The following ZCWPW2 variants were observed in gnomAD, a reference collection of about 807,000 sequenced individuals.
ZCWPW2 encodes zinc finger CW-type and PWWP domain containing 2.
Under a neutral mutation model 46.6 loss-of-function variants are expected in ZCWPW2, and 45 were observed. That is an observed-to-expected ratio of 0.96 (90% CI 0.76 to 1.24). The LOEUF is 1.24. Ranked by LOEUF, ZCWPW2 falls within the 50% of genes most tolerant of loss-of-function variation. The pLI is 0.00. For missense variants in ZCWPW2, 429 were observed against 403.9 expected, an observed-to-expected ratio of 1.06 and a Z score of -0.53; for synonymous variants, 152 against 137.1, an observed-to-expected ratio of 1.11 and a Z score of -0.76.
chr3:28,507,051 G>T (rs1700296258), intron 6 of ZCWPW2, among the ~76,000 whole-genome samples: 1 of 152,130 alleles, frequency 6.6e-6, no homozygotes, highest in Non-Finnish European at 1.5e-5. Context: ...TATTGGAGTG[G>T]TCAGGTGACT....
intron 5 of ZCWPW2, among the ~76,000 whole-genome samples, chr3:28,488,862 A>G (rs1161290780): frequency 6.6e-6 from 1 of 152,200 alleles, no homozygotes; most frequent in African/African-American, 2.4e-5. Context: ...TCACAAGAGA[A>G]AATTTAGCTT....
At chr3:28,379,678 A>AT (rs1705610923) in intron 1 of ZCWPW2, among the ~76,000 whole-genome samples, 1 of 152,194 alleles carries the variant, frequency 6.6e-6, no homozygotes, top group African/African-American at 2.4e-5. Context: ...GGAACTTAGG[A>AT]CATACAAGGA....
At chr3:28,503,573 A>G (rs959671146) in intron 6 of ZCWPW2, among the ~76,000 whole-genome samples, 1 of 152,052 alleles carries the variant, frequency 6.6e-6, no homozygotes, top group Non-Finnish European at 1.5e-5. Flanking sequence ...ATGAGTTTGT[A>G]TTTTATAGAT....
At chr3:28,379,964 AT>A (rs1467984220) in intron 1 of ZCWPW2, among the ~76,000 whole-genome samples, 1 of 151,844 alleles carries the variant, frequency 6.6e-6, no homozygotes, top group Non-Finnish European at 1.5e-5. Flanking sequence ...TTAATGTTTA[AT>A]TTTTTTATTT....
intron 6 of ZCWPW2, among the ~76,000 whole-genome samples, chr3:28,505,949 A>C (rs764557565): frequency 6.6e-6 from 1 of 151,662 alleles, no homozygotes; most frequent in Non-Finnish European, 1.5e-5. Flanking sequence ...GAAATGGGCA[A>C]TGTCAAGTCA....
intron 3 of ZCWPW2, among the ~76,000 whole-genome samples, chr3:28,425,530 CA>C (rs1696970210): frequency 6.6e-6 from 1 of 152,160 alleles, no homozygotes; most frequent in Non-Finnish European, 1.5e-5. Flanking sequence ...TTATCTGTGT[CA>C]ATTCTCTTTA....
rs77472665 is a variant in ZCWPW2 at position 28,352,858 on chromosome 3, T to G, written c.-134+3655T>G. On this transcript the variant is annotated intron_variant, in intron 1 of 9. Transcript: ENST00000383768. ...AGGGGGCAGAAGGTCCTGTCCATTT[T>G]TTTTATGACATGCATTTCCAATAAA... is the stretch of plus-strand genomic sequence containing the variant. 6.8e-4 allele frequency among the ~76,000 whole-genome samples: 104 copies of G among 152,330 alleles called. 2 individuals carry two copies. The East Asian group carries it at 0.019, about 28-fold the overall frequency.
intron 4 of ZCWPW2, among the ~76,000 whole-genome samples, chr3:28,462,127 C>CT (rs1698662693): frequency 6.6e-6 from 1 of 152,054 alleles, no homozygotes; most frequent in Non-Finnish European, 1.5e-5. Context: ...TGAGGGTGGG[C>CT]AGGGCAGACT....
At chr3:28,424,676 T>C (rs1238005954) in intron 3 of ZCWPW2, among the ~76,000 whole-genome samples, 4 of 152,200 alleles carry the variant, frequency 2.6e-5, no homozygotes, top group Non-Finnish European at 5.9e-5. Context: ...CAGTCTGTGG[T>C]ATTTTGTTAT....
intron 2 of ZCWPW2, among the ~76,000 whole-genome samples, chr3:28,393,065 A>G (rs376027768): frequency 6.6e-6 from 1 of 151,984 alleles, no homozygotes; most frequent in Admixed American, 6.6e-5. Flanking sequence ...TAGCTCAACT[A>G]AGAAAAAGGA....
intron 4 of ZCWPW2, among the ~76,000 whole-genome samples, chr3:28,455,409 A>C (rs1463986275): frequency 6.6e-6 from 1 of 152,174 alleles, no homozygotes; most frequent in Non-Finnish European, 1.5e-5. Flanking sequence ...AATAGATTGC[A>C]AAAAGTTTCT....
At chr3:28,491,773 G>A (rs1485519210) in intron 5 of ZCWPW2, among the ~76,000 whole-genome samples, 2 of 152,058 alleles carry the variant, frequency 1.3e-5, no homozygotes, top group African/African-American at 4.8e-5. Context: ...ATATGAAAAT[G>A]GAGGCAGCTG....
Position 28,439,405 on chromosome 3 carries a change from A to G in ZCWPW2, c.492+4136A>G, listed in dbSNP as rs1697654813. ...TTTATACTTGCTGGCATCTGATTAA[A>G]TGGTGCCCACCCAATTAAGGGTGGC... On this transcript the variant is annotated intron_variant, in intron 4 of 9. Transcript: ENST00000383768. Among the ~76,000 whole-genome samples, 2 of 152,054 alleles carry G rather than the reference A, an allele frequency of 1.3e-5. 1 individual carries two copies. Among genetic ancestry groups the G allele is most frequent in the South Asian group, 4.1e-4 (2 of 4,820 alleles).
At position 28,524,967 on chromosome 3, in the gene ZCWPW2, TAA is replaced by T; in HGVS notation, c.*280_*281del. On this transcript the variant is annotated 3_prime_UTR_variant, in exon 10 of 10. Coordinates refer to ENST00000383768, the MANE Select transcript of ZCWPW2 (RefSeq NM_001040432.4). ...TTTTAAATGGTTTGTGAAATTTGCC[TAA>T]CAAACATATGTTTTACAATGATTGT... is the stretch of plus-strand genomic sequence containing the variant. 1 of 185,016 alleles carries T rather than the reference TAA, an allele frequency of 5.4e-6. No individual in the cohort carries two copies. The highest frequency in any genetic ancestry group is 1.5e-4 in the South Asian group (1 of 6,770). The allele number at this position is 185,016 out of a possible 1,614,324, so 11.5% of individuals were successfully genotyped here. A position where few individuals can be genotyped will look rare whatever the true frequency, so the allele number is the denominator to read the frequency against.
chr3:28,383,910 G>T (rs1307182577), intron 1 of ZCWPW2, among the ~76,000 whole-genome samples: 1 of 151,922 alleles, frequency 6.6e-6, no homozygotes, highest in Non-Finnish European at 1.5e-5. Context: ...GATGGTATGG[G>T]TACCCTGTAA....
At chr3:28,401,110 C>T (rs1369761431) in intron 2 of ZCWPW2, among the ~76,000 whole-genome samples, 14 of 151,468 alleles carry the variant, frequency 9.2e-5, no homozygotes, top group Admixed American at 7.9e-4. Context: ...ACCCGGGAGG[C>T]GGAGCTTGCA....
intron 1 of ZCWPW2, among the ~76,000 whole-genome samples, chr3:28,367,239 G>A (rs1305888804): frequency 6.6e-6 from 1 of 151,886 alleles, no homozygotes; most frequent in Non-Finnish European, 1.5e-5. Flanking sequence ...GTGATGTTAG[G>A]GTGTTAATTT....
At chr3:28,368,491 C>T (rs912666252) in intron 1 of ZCWPW2, among the ~76,000 whole-genome samples, 3 of 152,214 alleles carry the variant, frequency 2.0e-5, no homozygotes, top group African/African-American at 7.2e-5. Context: ...TTGGCCCCCA[C>T]TCTCTTCTGG....
intron 1 of ZCWPW2, among the ~76,000 whole-genome samples, chr3:28,363,620 C>A (rs539670386): frequency 1.7e-4 from 26 of 152,262 alleles, no homozygotes; most frequent in African/African-American, 5.3e-4. Flanking sequence ...CCAGAGCCCA[C>A]ACCCCACCCA....
Sources: allele counts gnomAD v4.1 joint callset (sites outside exome capture counted in the v4.1 genomes callset), GRCh38; gene constraint gnomAD v4.1.1; transcripts MANE v1.5; gene names NCBI Gene and HGNC (gene_info 2026-07-23, HGNC 2026-07-21).